PATJ: variants seen among roughly 807,000 people sequenced by gnomAD.
PATJ encodes inaD-like protein.
A neutral mutation model predicts 224.9 loss-of-function variants in PATJ; 190 were observed. That is an observed-to-expected ratio of 0.84 (90% CI 0.75 to 0.95). PATJ has a LOEUF of 0.95. Among genes scored for constraint, PATJ ranks in the 40% least tolerant of loss-of-function variants. The pLI is 0.00. For missense variants in PATJ, 2,121 were observed against 2,270.3 expected (o/e 0.93, Z 1.34); for synonymous variants, 769 against 820.3 (o/e 0.94, Z 1.07).
chr1:61,830,137 C>T lies in PATJ; in HGVS notation c.1980+2554C>T, dbSNP rs530033749. ...CCCCATAGTCTCTTGCCCAAAGCCT[C>T]CTAGATCTGATAAACAACTTCAGAA... On this transcript the variant is annotated intron_variant, in intron 16 of 43. Coordinates refer to ENST00000642238, the MANE Select transcript of PATJ (RefSeq NM_001350145.3). 1.1e-4 allele frequency among the ~76,000 whole-genome samples: 16 copies of T among 152,186 alleles called. 1 individual carries two copies. The South Asian group carries it at 2.9e-3, about 28-fold the overall frequency.
At chr1:61,786,526 A>G (rs966071840) in intron 7 of PATJ, among the ~76,000 whole-genome samples, 5 of 152,122 alleles carry the variant, frequency 3.3e-5, no homozygotes, top group African/African-American at 9.6e-5. Context: ...AACAGCTCTG[A>G]AACTGAACTC....
chr1:61,993,948 A>G (rs1233758795), intron 28 of PATJ, among the ~76,000 whole-genome samples: 1 of 152,166 alleles, frequency 6.6e-6, no homozygotes, highest in Non-Finnish European at 1.5e-5. Flanking sequence ...TGGCCCTTTC[A>G]TTGCAATTCA....
In PATJ at chr1:61,774,668, A is replaced by G. The variant is rs532721136; in HGVS notation, c.721-538A>G. ...CAACCTTTGACCATATCTTTCATCC[A>G]TTGTGTTATCTGGCCTAGCTTTGCC... On this transcript the variant is annotated intron_variant, in intron 6 of 43. Coordinates refer to ENST00000642238, the MANE Select transcript of PATJ (RefSeq NM_001350145.3). Among the ~76,000 whole-genome samples the G allele has an allele frequency of 1.4e-4, 22 of 152,216 alleles. No homozygotes were observed. In the East Asian group the frequency reaches 2.7e-3, roughly 19 times the overall value.
intron 28 of PATJ, among the ~76,000 whole-genome samples, chr1:62,010,136 G>A (rs1646355066): frequency 6.6e-6 from 1 of 151,216 alleles, no homozygotes. Context: ...TCATCCATAG[G>A]AAGCAGCTCC....
rs79779959 is a variant in PATJ, at chr1:62,148,692, A to C, written c.5378+302A>C. On this transcript the variant is annotated intron_variant, in intron 42 of 43. Coordinates refer to ENST00000642238, the MANE Select transcript of PATJ (RefSeq NM_001350145.3). ...ACGCTGCTTTATTGTGCAAGGAACC[A>C]CGTTTCCTGAACTTCTAGGCTAAAA... is the stretch of plus-strand genomic sequence containing the variant. 6.5e-3 allele frequency among the ~76,000 whole-genome samples: 987 copies of C among 152,302 alleles called. 10 individuals carry two copies. Among genetic ancestry groups the C allele is most frequent in the African/African-American group, 0.023 (943 of 41,570 alleles).
intron 22 of PATJ, among the ~76,000 whole-genome samples, chr1:61,889,004 T>C (rs1235570016): frequency 6.6e-6 from 1 of 152,212 alleles, no homozygotes; most frequent in Non-Finnish European, 1.5e-5. Context: ...TTGTAAATCA[T>C]ATTCCTTCTT....
chr1:61,787,605 A>T, intron 7 of PATJ, 149 bp from the exon 8 acceptor site: 1 of 614,214 alleles, frequency 1.6e-6, no homozygotes, highest in Non-Finnish European at 2.9e-6. Flanking sequence ...TGCCATTTCA[A>T]CCAGTTATTA....
chr1:61,944,815 G>A (rs933276717), intron 27 of PATJ, among the ~76,000 whole-genome samples: 3 of 152,146 alleles, frequency 2.0e-5, no homozygotes, highest in African/African-American at 4.8e-5. Context: ...AATGTTAAGG[G>A]CAGCCAGAGA....
At position 62,157,829 on chromosome 1, in the gene PATJ, TC is replaced by T. The variant is rs1471410163; in HGVS notation, c.5503-3077del. The stretch of plus-strand genomic sequence containing the variant: ...CTGGGCAACAGAGTGAGACTCTGTC[TC>T]CAAAAAAAAAAAAAAAAAAAAAAAA... On this transcript the variant is annotated intron_variant, in intron 43 of 43. Coordinates refer to ENST00000642238, the MANE Select transcript of PATJ (RefSeq NM_001350145.3). Among the ~76,000 whole-genome samples the T allele has an allele frequency of 1.2e-3, 67 of 55,424 alleles. 3 individuals carry two copies. Among genetic ancestry groups the T allele is most frequent in the Non-Finnish European group, 1.7e-3 (52 of 31,310 alleles). The allele number at this position is 55,424 out of a possible 152,430, so 36.4% of individuals were successfully genotyped here.
At position 62,128,263 on chromosome 1, in the gene PATJ, C is replaced by T. The variant is rs117499554; in HGVS notation, c.5166+169C>T. The T allele has an allele frequency of 2.6e-3, 1,527 of 593,810 alleles. 29 individuals are homozygous for T. The East Asian group carries it at 0.037, about 14-fold the overall frequency. 36.8% of individuals were successfully genotyped at this position (593,810 alleles called of 1,614,324 possible). Reference sequence around the variant, plus strand: ...ATACCTTTAGAAATTCATTAGGTCCCCAGGCACATAAAAATATTATTATTT... The same window carrying T: ...ATACCTTTAGAAATTCATTAGGTCCTCAGGCACATAAAAATATTATTATTT... On this transcript the variant is annotated intron_variant, in intron 40 of 43. Transcript: ENST00000642238.
chr1:62,129,678 C>T (rs574697835), intron 41 of PATJ, among the ~76,000 whole-genome samples: 22 of 152,300 alleles, frequency 1.4e-4, no homozygotes, highest in Non-Finnish European at 7.4e-5. Context: ...CGGTGGCCCA[C>T]GCCTGTAATC....
intron 28 of PATJ, among the ~76,000 whole-genome samples, chr1:62,006,692 C>G (rs1048589993): frequency 7.9e-5 from 12 of 152,196 alleles, no homozygotes; most frequent in African/African-American, 2.9e-4. Context: ...TACCTCATAT[C>G]AGATTGTCTT....
intron 27 of PATJ, chr1:61,952,362 A>G (rs1317133196): frequency 2.8e-6 from 2 of 715,080 alleles, no homozygotes; most frequent in Non-Finnish European, 5.2e-6. Context: ...TTTGTCAGGA[A>G]TGCAGATACC....
intron 13 of PATJ, among the ~76,000 whole-genome samples, chr1:61,807,542 A>G (rs976206993): frequency 6.6e-6 from 1 of 152,208 alleles, no homozygotes; most frequent in Non-Finnish European, 1.5e-5. Context: ...TGGTGAGGTC[A>G]TAACAGACAA....
At chr1:61,862,229 C>T (rs1053316766) in intron 19 of PATJ, among the ~76,000 whole-genome samples, 2 of 151,980 alleles carry the variant, frequency 1.3e-5, no homozygotes, top group Non-Finnish European at 2.9e-5. Flanking sequence ...CAGACTCTCA[C>T]TCTGTCACCC....
chr1:61,953,553 C>T lies in PATJ; in HGVS notation c.3670+25724C>T, dbSNP rs781262499. Among the ~76,000 whole-genome samples the T allele has an allele frequency of 1.1e-4, 17 of 152,278 alleles. 1 individual carries two copies. In the Middle Eastern group the frequency reaches 0.014, roughly 122 times the overall value. ...AAATGCTATAGCTCCTAAATGGATG[C>T]GTCACAGATTCCCTGTAGTGACAAC... On this transcript the variant is annotated intron_variant, in intron 27 of 43. Transcript: ENST00000642238.
At chr1:61,812,401 A>G (rs1655001356) in intron 14 of PATJ, among the ~76,000 whole-genome samples, 1 of 94,974 alleles carries the variant, frequency 1.1e-5, no homozygotes, top group African/African-American at 3.8e-5. Flanking sequence ...AGAGAATGTG[A>G]GTGACTGAGA....
At chr1:62,051,924 G>T (rs1005362677) in intron 31 of PATJ, among the ~76,000 whole-genome samples, 1 of 152,082 alleles carries the variant, frequency 6.6e-6, no homozygotes, top group African/African-American at 2.4e-5. Context: ...TTTCCTACAC[G>T]TGAGGAAACT....
At chr1:61,908,254 C>T (rs1455634270) in intron 24 of PATJ, 118 bp from the exon 25 acceptor site, 3 of 639,476 alleles carry the variant, frequency 4.7e-6, no homozygotes, top group African/African-American at 1.9e-5. Context: ...TTTTTCTGAC[C>T]GTCTACTCAT....
Sources: gnomAD v4.1 joint callset for allele counts (sites outside exome capture counted in the v4.1 genomes callset) on GRCh38, gnomAD v4.1.1 for gene constraint, MANE v1.5 for transcripts, NCBI Gene and HGNC (gene_info 2026-07-23, HGNC 2026-07-21) for gene names.